FER1L6: variants seen among roughly 807,000 people sequenced by gnomAD.
FER1L6 encodes the protein fer-1-like protein 6.
Under a neutral mutation model 219.2 loss-of-function variants are expected in FER1L6, and 177 were observed. The ratio of observed to expected loss-of-function variants is 0.81; its 90% CI spans 0.71 to 0.91. The LOEUF (loss-of-function observed/expected upper bound fraction) is 0.91. FER1L6 is among the 40% of genes least tolerant of loss of function. FER1L6 has a pLI of 0.00. For missense variants in FER1L6, 2,153 were observed against 2,259.9 expected, an observed-to-expected ratio of 0.95 and a Z score of 0.96; for synonymous variants, 768 against 824.3, an observed-to-expected ratio of 0.93 and a Z score of 1.17.
At chr8:124,116,988 C>A (rs984577135) in intron 39 of FER1L6, among the ~76,000 whole-genome samples, 1 of 152,100 alleles carries the variant, frequency 6.6e-6, no homozygotes, top group Admixed American at 6.6e-5. Flanking sequence ...CTCAAGAAGA[C>A]GAATACCATT....
intron 1 of FER1L6, among the ~76,000 whole-genome samples, chr8:123,868,958 T>C (rs1212284384): frequency 2.0e-5 from 3 of 152,192 alleles, no homozygotes; most frequent in Non-Finnish European, 2.9e-5. Context: ...AGTTGTGAGC[T>C]GTCATCTATC....
chr8:123,935,256 C>G (rs1268596551), intron 1 of FER1L6, among the ~76,000 whole-genome samples: 1 of 152,062 alleles, frequency 6.6e-6, no homozygotes, highest in African/African-American at 2.4e-5. Flanking sequence ...TTATAATCCA[C>G]TCTTATTTAT....
At chr8:124,038,093 A>G (rs1403781770) in intron 19 of FER1L6, among the ~76,000 whole-genome samples, 1 of 152,168 alleles carries the variant, frequency 6.6e-6, no homozygotes, top group Non-Finnish European at 1.5e-5. Context: ...CCTCAGTGAT[A>G]CGACTACAGC....
intron 13 of FER1L6, 148 bp downstream of exon 13, chr8:124,003,495 G>T: frequency 1.7e-6 from 1 of 576,554 alleles, no homozygotes. Context: ...ACGGAGTCTT[G>T]CTTGGTCACC....
At chr8:124,017,743 T>C (rs1352512048) in intron 16 of FER1L6, 25 bp downstream of exon 16, 2 of 1,587,148 alleles carry the variant, frequency 1.3e-6, no homozygotes, top group Admixed American at 1.7e-5. Context: ...ATTTATACTT[T>C]GTGGACAGAG....
At chr8:123,857,389 A>G (rs1816667025) in intron 1 of FER1L6, among the ~76,000 whole-genome samples, 2 of 152,096 alleles carry the variant, frequency 1.3e-5, no homozygotes, top group East Asian at 1.9e-4. Flanking sequence ...ATGCACCTGT[A>G]GTCCTAGCTA....
intron 1 of FER1L6, among the ~76,000 whole-genome samples, chr8:123,884,773 G>A (rs1419457094): frequency 2.6e-5 from 4 of 152,296 alleles, no homozygotes; most frequent in Non-Finnish European, 4.4e-5. Context: ...GCCCTGGCTG[G>A]CCTTGCCGTC....
intron 37 of FER1L6, 23 bp from the exon 38 acceptor site, chr8:124,101,074 A>C (rs928219709): frequency 1.2e-6 from 2 of 1,610,518 alleles, no homozygotes; most frequent in African/African-American, 2.7e-5. Flanking sequence ...TGAGTGTTTA[A>C]ATTATTTTGA....
chr8:124,071,757 G>C, intron 31 of FER1L6, 126 bp downstream of exon 31: 2 of 1,233,248 alleles, frequency 1.6e-6, no homozygotes, highest in South Asian at 3.2e-5. Flanking sequence ...AATGCCATAA[G>C]TCTATAATCA....
chr8:123,968,296 A>T (rs1045042003), intron 5 of FER1L6, among the ~76,000 whole-genome samples: 2 of 152,208 alleles, frequency 1.3e-5, no homozygotes, highest in African/African-American at 4.8e-5. Context: ...ACTGGGCCCA[A>T]GTGTAACCGG....
intron 35 of FER1L6, 69 bp downstream of exon 35, chr8:124,095,107 G>A (rs927042531): frequency 1.4e-5 from 22 of 1,583,610 alleles, no homozygotes; most frequent in Middle Eastern, 1.7e-4. Flanking sequence ...TTTTCATCCA[G>A]GAACAATTTT....
chr8:124,106,830 C>T (rs1265005414), intron 39 of FER1L6, among the ~76,000 whole-genome samples: 1 of 151,988 alleles, frequency 6.6e-6, no homozygotes, highest in Non-Finnish European at 1.5e-5. Context: ...GTTCCCTTTC[C>T]TAATTTTCAG....
At chr8:123,882,281 G>A (rs545362860) in intron 1 of FER1L6, among the ~76,000 whole-genome samples, 5 of 152,088 alleles carry the variant, frequency 3.3e-5, no homozygotes, top group Non-Finnish European at 7.4e-5. Flanking sequence ...AAAGTAGCGA[G>A]CCAAAAGAGC....
intron 32 of FER1L6, among the ~76,000 whole-genome samples, chr8:124,081,498 TGAAGG>T (rs763945415): frequency 2.0e-4 from 30 of 151,270 alleles, no homozygotes; most frequent in Admixed American, 6.6e-4. Context: ...ATCTATAAAA[TGAAGG>T]GATTGGATAT....
intron 11 of FER1L6, among the ~76,000 whole-genome samples, chr8:123,982,262 T>A (rs531666141): frequency 6.6e-6 from 1 of 152,218 alleles, no homozygotes; most frequent in East Asian, 1.9e-4. Flanking sequence ...CTGCTGTGGG[T>A]TGAAGCTGTC....
At chr8:124,016,019 C>A (rs1179585694) in intron 15 of FER1L6, 2 of 152,836 alleles carry the variant, frequency 1.3e-5, no homozygotes, top group African/African-American at 4.8e-5. Flanking sequence ...GGGAGGATGT[C>A]CATAGCCAGC....
At chr8:123,864,521 T>C (rs1816797991) in intron 1 of FER1L6, among the ~76,000 whole-genome samples, 1 of 149,686 alleles carries the variant, frequency 6.7e-6, no homozygotes, top group African/African-American at 2.5e-5. Context: ...AATCTGAACG[T>C]TGGCCTGCCT....
rs1350536848 is a variant in FER1L6 at position 124,111,022 on chromosome 8, T to C, written c.5289+7713T>C. On this transcript the variant is annotated intron_variant, in intron 39 of 40. Coordinates refer to ENST00000522917, the MANE Select transcript of FER1L6 (RefSeq NM_001039112.2). The surrounding 1 kb of genome is among the most constrained non-coding windows in gnomAD (Gnocchi z 5.0). ...ACAGAAACTGGGGTATAGGGTGCTA[T>C]TCTCTCGATGTTTACATTTGAAGGA... Among the ~76,000 whole-genome samples, 1 of 152,150 alleles carries C rather than the reference T, an allele frequency of 6.6e-6. No individual in the cohort carries two copies. The highest frequency in any genetic ancestry group is 1.5e-5 in the Non-Finnish European group (1 of 68,016).
At chr8:123,997,892 G>T (rs1397066962) in intron 12 of FER1L6, among the ~76,000 whole-genome samples, 1 of 151,974 alleles carries the variant, frequency 6.6e-6, no homozygotes, top group East Asian at 1.9e-4. Context: ...AATTTGTCTG[G>T]TAGTATTCTG....
Sources: allele counts gnomAD v4.1 joint callset (sites outside exome capture counted in the v4.1 genomes callset), GRCh38; gene constraint gnomAD v4.1.1; non-coding constraint Gnocchi (gnomAD v3.1); transcripts MANE v1.5; gene names NCBI Gene and HGNC (gene_info 2026-07-23, HGNC 2026-07-21).